IDH3A: variants seen among roughly 807,000 people sequenced by gnomAD.
IDH3A encodes isocitrate dehydrogenase (NAD(+)) 3 catalytic subunit alpha.
In IDH3A, 23 loss-of-function variants were observed where a neutral mutation model predicts 43.3. That is an observed-to-expected ratio of 0.53 (90% CI 0.38 to 0.75). The LOEUF (loss-of-function observed/expected upper bound fraction) is 0.75. IDH3A is among the 30% of genes least tolerant of loss of function. The probability of loss-of-function intolerance (pLI) is 0.00; values close to 1 mark genes in which losing one functional copy is unlikely to be tolerated. For missense variants in IDH3A, 329 were observed against 474.4 expected (o/e 0.69, Z 2.85); for synonymous variants, 154 against 163.5 (o/e 0.94, Z 0.44).
At chr15:78,162,195 C>A in intron 5 of IDH3A, 39 bp from the exon 6 acceptor site, 2 of 1,612,316 alleles carry the variant, frequency 1.2e-6, no homozygotes, top group South Asian at 2.2e-5. Flanking sequence ...GCGTTGCTGT[C>A]ACACTCTTTC....
chr15:78,153,193 C>A (rs1341661592), intron 1 of IDH3A, among the ~76,000 whole-genome samples: 1 of 152,130 alleles, frequency 6.6e-6, no homozygotes, highest in Non-Finnish European at 1.5e-5. Flanking sequence ...AGCTCCTGGG[C>A]TCAAGCAGTC....
intron 1 of IDH3A, chr15:78,150,836 T>A (rs1173933388): frequency 6.6e-6 from 1 of 152,214 alleles, no homozygotes; most frequent in Non-Finnish European, 1.5e-5. Flanking sequence ...AGACCCAGAT[T>A]TGCTTGTGAT....
chr15:78,163,312 T>C (rs1180530586), intron 6 of IDH3A, among the ~76,000 whole-genome samples, 195 bp from the exon 7 acceptor site: 2 of 152,240 alleles, frequency 1.3e-5, no homozygotes, highest in African/African-American at 2.4e-5. Flanking sequence ...TTTACTCTTT[T>C]ATACTTTCAG....
At chr15:78,163,825 A>G (rs371430738) in intron 8 of IDH3A, 45 bp downstream of exon 8, 3 of 1,194,872 alleles carry the variant, frequency 2.5e-6, no homozygotes, top group Non-Finnish European at 3.7e-6. Flanking sequence ...TGATTTACTT[A>G]TAAACATCCT....
intron 1 of IDH3A, chr15:78,154,553 C>T (rs1414190067): frequency 6.6e-6 from 1 of 152,140 alleles, no homozygotes; most frequent in African/African-American, 2.4e-5. Context: ...TCTTTGGGAC[C>T]AGCATCTCCG....
At chr15:78,165,116 C>T (rs1209793882) in intron 9 of IDH3A, 40 bp downstream of exon 9, 6 of 1,262,734 alleles carry the variant, frequency 4.8e-6, no homozygotes, top group South Asian at 1.2e-5. Context: ...CAGGTCAGAA[C>T]AGCGTGTGAA....
chr15:78,153,108 CTTTCTTTT>C (rs761433592), intron 1 of IDH3A, among the ~76,000 whole-genome samples: 1 of 151,902 alleles, frequency 6.6e-6, no homozygotes, highest in Non-Finnish European at 1.5e-5. Flanking sequence ...TTCATTCTTT[CTTTCTTTT>C]TTTCTTTTTT....
At chr15:78,160,807 A>T (rs1012407260) in intron 4 of IDH3A, among the ~76,000 whole-genome samples, 11 of 151,818 alleles carry the variant, frequency 7.2e-5, no homozygotes, top group Admixed American at 2.0e-4. Flanking sequence ...CTACATTTTT[A>T]TTATTATTTT....
Position 78,166,456 on chromosome 15 carries a change from A to G in IDH3A, c.1017+154A>G, listed in dbSNP as rs13329641. 3,203 of 749,278 alleles carry G rather than the reference A, an allele frequency of 4.3e-3. 63 individuals are homozygous for G. In the African/African-American group the frequency reaches 0.048, roughly 11 times the overall value. 46.4% of individuals were successfully genotyped at this position (749,278 alleles called of 1,614,324 possible). A position where few individuals can be genotyped will look rare whatever the true frequency, so the allele number is the denominator to read the frequency against. The stretch of plus-strand genomic sequence containing the variant: ...TCTTAACGTGGGTCCCAGATTGAAC[A>G]GGGTATGTGTGCACATGTGTGCATT... On this transcript the variant is annotated intron_variant, in intron 10 of 10. Coordinates refer to ENST00000299518, the MANE Select transcript of IDH3A (RefSeq NM_005530.3).
At chr15:78,164,471 CCT>C (rs2141300779) in intron 8 of IDH3A, among the ~76,000 whole-genome samples, 1 of 152,070 alleles carries the variant, frequency 6.6e-6, no homozygotes, top group South Asian at 2.1e-4. Context: ...TCCTGCCTCC[CCT>C]GAGTAGTTGG....
chr15:78,162,141 T>A, intron 5 of IDH3A, 93 bp from the exon 6 acceptor site: 1 of 1,369,628 alleles, frequency 7.3e-7, no homozygotes. Context: ...TGTGCAGGCC[T>A]GCCACAAATG....
chr15:78,164,653 T>C (rs899298613), intron 8 of IDH3A, among the ~76,000 whole-genome samples: 7 of 152,180 alleles, frequency 4.6e-5, no homozygotes, highest in African/African-American at 1.7e-4. Context: ...AGCCCAGCTG[T>C]GGACATGGTT....
intron 9 of IDH3A, 119 bp downstream of exon 9, chr15:78,165,195 C>T (rs2074725551): frequency 8.7e-6 from 5 of 573,326 alleles, no homozygotes; most frequent in Admixed American, 2.9e-5. Flanking sequence ...CAAAATGATG[C>T]TTTTTTTTTT....
rs565863979 is a variant in IDH3A, at chr15:78,161,186, A to G, written c.290-395A>G. On this transcript the variant is annotated intron_variant, in intron 4 of 10. Transcript: ENST00000299518. The surrounding 1 kb of genome is among the most constrained non-coding windows in gnomAD (Gnocchi z 4.8). ...CCTGAGACTGTAGGCCAGAGCAAGC[A>G]TAGGCTTTAAAGCCACAGACAGAAC... 2.0e-5 allele frequency among the ~76,000 whole-genome samples: 3 copies of G among 152,366 alleles called. No individual in the cohort carries two copies. The highest frequency in any genetic ancestry group is 4.8e-5 in the African/African-American group (2 of 41,600).
intron 9 of IDH3A, among the ~76,000 whole-genome samples, chr15:78,165,558 C>A (rs1403447789): frequency 6.6e-6 from 1 of 152,028 alleles, no homozygotes; most frequent in Non-Finnish European, 1.5e-5. Flanking sequence ...CTTCATTTCC[C>A]TCCAGGTATT....
chr15:78,164,355 T>TC (rs1024097321), intron 8 of IDH3A, among the ~76,000 whole-genome samples: 4 of 79,184 alleles, frequency 5.1e-5, no homozygotes, highest in Non-Finnish European at 1.3e-4. Flanking sequence ...GTGATTTTCA[T>TC]TTTTTTTTTT....
At chr15:78,158,210 A>G (rs2074642888) in intron 3 of IDH3A, among the ~76,000 whole-genome samples, 2 of 152,048 alleles carry the variant, frequency 1.3e-5, no homozygotes, top group Admixed American at 6.6e-5. Flanking sequence ...TGTGTTATCA[A>G]GAATGGAATG....
In IDH3A at chr15:78,170,146, C is replaced by T. The variant is rs976403050; in HGVS notation, c.*1141C>T. Reference sequence around the variant, plus strand: ...GCTTGAGCTTGGGCTTAGGCTTGGGCTCAGCTTTTGACCCTCAGGCATCTC... The same window carrying T: ...GCTTGAGCTTGGGCTTAGGCTTGGGTTCAGCTTTTGACCCTCAGGCATCTC... On this transcript the variant is annotated 3_prime_UTR_variant, in exon 11 of 11. Coordinates refer to ENST00000299518, the MANE Select transcript of IDH3A (RefSeq NM_005530.3). 1.3e-5 allele frequency: 2 copies of T among 152,202 alleles called. No individual in the cohort carries two copies. The highest frequency in any genetic ancestry group is 2.9e-5 in the Non-Finnish European group (2 of 68,040). The allele number at this position is 152,202 out of a possible 1,614,324, so 9.4% of individuals were successfully genotyped here.
At position 78,168,988 on chromosome 15, in the gene IDH3A, G is replaced by T; in HGVS notation, c.1084G>T (p.Val362Leu). ...CTTCACAGAGGAAATCTGTCGCCGA[G>T]TAAAAGATTTAGATTAACACTTCTA... Reference protein sequence around the residue: ...SDFTEEICRRVKDLD With the variant: ...SDFTEEICRRLKDLD The change falls in exon 11 of 11, where the codon GTA (valine) becomes TTA (leucine). Residue 362 changes from valine (V) to leucine (L), a missense_variant. This residue lies in a region of IDH3A where 91 missense variants were observed against 111.6 expected (regional missense o/e 0.82). Coordinates refer to ENST00000299518, the MANE Select transcript of IDH3A (RefSeq NM_005530.3). 1.3e-6 allele frequency: 2 copies of T among 1,598,834 alleles called. No individual in the cohort carries two copies. The highest frequency in any genetic ancestry group is 1.7e-6 in the Non-Finnish European group (2 of 1,167,302).
Sources: allele counts gnomAD v4.1 joint callset (sites outside exome capture counted in the v4.1 genomes callset), GRCh38; gene constraint gnomAD v4.1.1; regional missense constraint gnomAD v4.1.1; non-coding constraint Gnocchi (gnomAD v3.1); transcripts MANE v1.5; gene names NCBI Gene and HGNC (gene_info 2026-07-23, HGNC 2026-07-21).